VSTM4: variants seen among roughly 807,000 people sequenced by gnomAD.
VSTM4 encodes the protein V-set and transmembrane domain-containing protein 4.
In VSTM4, 20 loss-of-function variants were observed where a neutral mutation model predicts 36.4. That is an observed-to-expected ratio of 0.55 (90% CI 0.39 to 0.80). The LOEUF is 0.80. Among genes scored for constraint, VSTM4 ranks in the 30% least tolerant of loss-of-function variants. The pLI, the probability that VSTM4 is intolerant of heterozygous loss-of-function variation, is 0.00. For missense variants in VSTM4, 392 were observed against 404.5 expected, an observed-to-expected ratio of 0.97 and a Z score of 0.26; for synonymous variants, 182 against 173.9, an observed-to-expected ratio of 1.05 and a Z score of -0.37.
chr10:49,102,370 G>A (rs756611187), intron 2 of VSTM4: 121 of 977,014 alleles, frequency 1.2e-4, no homozygotes, highest in Non-Finnish European at 1.5e-4. Flanking sequence ...TCTTGACTTC[G>A]TGATCCACCC....
At position 49,018,580 on chromosome 10, in the gene VSTM4, G is replaced by A. The variant is rs1445122488; in HGVS notation, c.*1070C>T. 1 of 152,286 alleles carries A rather than the reference G, an allele frequency of 6.6e-6. No individual in the cohort carries two copies. Among genetic ancestry groups the A allele is most frequent in the East Asian group, 1.9e-4 (1 of 5,192 alleles). 9.4% of individuals were successfully genotyped at this position (152,286 alleles called of 1,614,324 possible). The stretch of plus-strand genomic sequence containing the variant: ...CCTCAATAACACAGTTGACAGGATG[G>A]TGCTTTCAGAATGGATCCCCTGCCA... On this transcript the variant is annotated 3_prime_UTR_variant, in exon 8 of 8. Transcript: ENST00000332853.
At position 49,018,782 on chromosome 10, in the gene VSTM4, C is replaced by T. The variant is rs1267215221; in HGVS notation, c.*868G>A. 4 of 152,258 alleles carry T rather than the reference C, an allele frequency of 2.6e-5. No individual in the cohort carries two copies. In the South Asian group the frequency reaches 8.3e-4, roughly 32 times the overall value. The allele number at this position is 152,258 out of a possible 1,614,324, so 9.4% of individuals were successfully genotyped here. A position where few individuals can be genotyped will look rare whatever the true frequency, so the allele number is the denominator to read the frequency against. On this transcript the variant is annotated 3_prime_UTR_variant, in exon 8 of 8. Transcript: ENST00000332853. ...GGCGTGTACTTCCCACTCTCCTACC[C>T]TGAGGGCACCTGGCAGCAGACACCT...
intron 7 of VSTM4, among the ~76,000 whole-genome samples, chr10:49,038,576 GA>G (rs1024941924): frequency 4.6e-5 from 7 of 152,188 alleles, no homozygotes; most frequent in South Asian, 2.1e-4. Flanking sequence ...ACTTAAAAAT[GA>G]TGAAGATAGT....
intron 7 of VSTM4, among the ~76,000 whole-genome samples, chr10:49,030,648 C>T (rs538262773): frequency 5.9e-5 from 9 of 152,268 alleles, no homozygotes; most frequent in Non-Finnish European, 1.0e-4. Context: ...AGAGCAAATT[C>T]GCCTCAGGTC....
intron 2 of VSTM4, chr10:49,103,606 TATTTTTTAA>T (rs1205904649): frequency 1.4e-6 from 2 of 1,464,924 alleles, no homozygotes; most frequent in Non-Finnish European, 1.8e-6. Flanking sequence ...AACTGGGAGT[TATTTTTTAA>T]ATATATCATC....
chr10:49,085,051 C>T (rs376017260), intron 3 of VSTM4, among the ~76,000 whole-genome samples: 1 of 152,242 alleles, frequency 6.6e-6, no homozygotes, highest in African/African-American at 2.4e-5. Flanking sequence ...GTTGAGAACC[C>T]CTGCCCTAAG....
In VSTM4 at chr10:49,064,755, T is replaced by TAG. The variant is rs1843942546; in HGVS notation, c.635-21_635-20dup. ...TGTCTCACTGTGAAAGGAAAAATAATAGAAGATGGTAAACCAATGCTACTT... is the reference window on the plus strand; with the variant it reads ...TGTCTCACTGTGAAAGGAAAAATAATAGAGAAGATGGTAAACCAATGCTACTT... On this transcript the variant is annotated intron_variant, in intron 4 of 7. Transcript: ENST00000332853. 1 of 1,610,650 alleles carries TAG rather than the reference T, an allele frequency of 6.2e-7. No individual in the cohort carries two copies. Among genetic ancestry groups the TAG allele is most frequent in the African/African-American group, 1.3e-5 (1 of 74,688 alleles).
intron 7 of VSTM4, among the ~76,000 whole-genome samples, chr10:49,045,577 A>T (rs1285973633): frequency 6.6e-6 from 1 of 152,228 alleles, no homozygotes; most frequent in Non-Finnish European, 1.5e-5. Context: ...GGTGGGTTTA[A>T]CATATCCACA....
At chr10:49,115,391 C>G in intron 1 of VSTM4, 40 bp downstream of exon 1, 30 of 1,008,826 alleles carry the variant, frequency 3.0e-5, no homozygotes, top group Non-Finnish European at 3.3e-5. Context: ...GCCGCCCGGC[C>G]CCCACCCTTC....
chr10:49,093,049 A>G (rs548966313), intron 2 of VSTM4, among the ~76,000 whole-genome samples: 168 of 152,252 alleles, frequency 1.1e-3, no homozygotes, highest in Middle Eastern at 3.4e-3. Flanking sequence ...AACTTGGAGA[A>G]TAAGATATTC....
chr10:49,060,612 G>A (rs1027665057), intron 5 of VSTM4, among the ~76,000 whole-genome samples: 4 of 152,168 alleles, frequency 2.6e-5, no homozygotes, highest in South Asian at 2.1e-4. Context: ...GTTCTTTATC[G>A]GTTATCTGAT....
intron 5 of VSTM4, among the ~76,000 whole-genome samples, chr10:49,058,110 C>T (rs930392854): frequency 1.3e-5 from 2 of 152,212 alleles, no homozygotes; most frequent in African/African-American, 4.8e-5. Context: ...TCCTCAGCTT[C>T]CATATCTATA....
chr10:49,059,608 C>G (rs747178782), intron 5 of VSTM4, among the ~76,000 whole-genome samples: 36 of 152,270 alleles, frequency 2.4e-4, no homozygotes, highest in Non-Finnish European at 3.4e-4. Context: ...TGTTGGCGGG[C>G]TGATCATCCA....
chr10:49,049,846 A>G (rs1284198440), intron 5 of VSTM4, among the ~76,000 whole-genome samples: 6 of 152,088 alleles, frequency 3.9e-5, no homozygotes, highest in Admixed American at 3.3e-4. Flanking sequence ...ACTCAAAAGT[A>G]TTGCTGGCAG....
intron 7 of VSTM4, among the ~76,000 whole-genome samples, chr10:49,029,261 T>A (rs1843309827): frequency 1.3e-5 from 2 of 152,236 alleles, no homozygotes; most frequent in Admixed American, 1.3e-4. Context: ...TTTATTTAAA[T>A]CTATTATGAA....
chr10:49,068,182 C>T (rs1355976118), intron 4 of VSTM4, among the ~76,000 whole-genome samples: 9 of 152,072 alleles, frequency 5.9e-5, no homozygotes, highest in Non-Finnish European at 8.8e-5. Context: ...GGGCAGCTGG[C>T]GTCAGGGGTC....
chr10:49,056,116 C>T (rs1318953078), intron 5 of VSTM4, among the ~76,000 whole-genome samples: 2 of 152,254 alleles, frequency 1.3e-5, no homozygotes, highest in Non-Finnish European at 2.9e-5. Context: ...CAAGCCATCT[C>T]CCTGTCCACA....
intron 7 of VSTM4, among the ~76,000 whole-genome samples, chr10:49,030,526 A>G (rs180997628): frequency 7.7e-4 from 117 of 152,330 alleles, no homozygotes; most frequent in African/African-American, 2.6e-3. Flanking sequence ...GTCACCCAGC[A>G]TGCTCTAGGA....
intron 7 of VSTM4, among the ~76,000 whole-genome samples, chr10:49,020,661 G>A (rs972456022): frequency 6.8e-6 from 1 of 147,214 alleles, no homozygotes; most frequent in African/African-American, 2.5e-5. Flanking sequence ...ATTAACTCCA[G>A]GAAATCTGAA....
Sources: gnomAD v4.1 joint callset for allele counts (sites outside exome capture counted in the v4.1 genomes callset) on GRCh38, gnomAD v4.1.1 for gene constraint, MANE v1.5 for transcripts, NCBI Gene and HGNC (gene_info 2026-07-23, HGNC 2026-07-21) for gene names.